The following FBXL17 variants were observed in gnomAD, a reference collection of about 807,000 sequenced individuals.
The protein encoded by FBXL17 is F-box/LRR-repeat protein 17.
A neutral mutation model predicts 66.2 loss-of-function variants in FBXL17; 22 were observed. The observed-to-expected ratio is 0.33, with a 90% CI of 0.24 to 0.47. FBXL17 has a LOEUF of 0.47. FBXL17 is among the 20% of genes least tolerant of loss of function. FBXL17 has a pLI of 1.00. For missense variants in FBXL17, 878 were observed against 948.2 expected (o/e 0.93, Z 0.97); for synonymous variants, 474 against 400.5 (o/e 1.18, Z -2.19).
intron 7 of FBXL17, among the ~76,000 whole-genome samples, chr5:107,960,889 T>C (rs551853112): frequency 6.6e-6 from 1 of 152,242 alleles, no homozygotes; most frequent in African/African-American, 2.4e-5. Flanking sequence ...TCCAAATCTA[T>C]AGACAAAGAA....
In FBXL17 at chr5:107,871,458, G is replaced by C. The variant is rs192939961; in HGVS notation, c.1965+9579C>G. Among the ~76,000 whole-genome samples, 150 of 152,276 alleles carry C rather than the reference G, an allele frequency of 9.9e-4. 1 individual carries two copies. The highest frequency in any genetic ancestry group is 3.4e-3 in the African/African-American group (142 of 41,564). ...TGACAGGAAGTCCAACAACCAGACT[G>C]TCAGAGAGAAAAATTAGTGACATTT... is the stretch of plus-strand genomic sequence containing the variant. On this transcript the variant is annotated intron_variant, in intron 8 of 8. Transcript: ENST00000542267.
At position 107,953,131 on chromosome 5, in the gene FBXL17, T is replaced by G. The variant is rs554414570; in HGVS notation, c.1822+67794A>C. Among the ~76,000 whole-genome samples the G allele has an allele frequency of 2.9e-3, 438 of 151,972 alleles. 2 individuals are homozygous for G. Among genetic ancestry groups the G allele is most frequent in the African/African-American group, 0.01 (432 of 41,440 alleles). On this transcript the variant is annotated intron_variant, in intron 7 of 8. Transcript: ENST00000542267. ...AAAAAGGCAGATGTAGGCCGGGCGC[T>G]GTGGCTCACGCCTGTAATCCCAGCA...
At chr5:107,894,694 A>G (rs1004795411) in intron 7 of FBXL17, among the ~76,000 whole-genome samples, 7 of 152,152 alleles carry the variant, frequency 4.6e-5, no homozygotes, top group African/African-American at 1.2e-4. Context: ...ATATAATTAT[A>G]CATGTGTGAG....
intron 4 of FBXL17, among the ~76,000 whole-genome samples, chr5:108,336,811 A>G (rs895648709): frequency 3.3e-5 from 5 of 152,156 alleles, no homozygotes; most frequent in African/African-American, 1.2e-4. Flanking sequence ...GCTATAGAAT[A>G]AAGTATATTT....
chr5:108,297,765 A>G (rs983318234), intron 4 of FBXL17: 6 of 701,904 alleles, frequency 8.5e-6, no homozygotes, highest in Non-Finnish European at 1.0e-5. Context: ...TTCATAACAA[A>G]TTAAGAAATA....
chr5:108,041,848 G>A (rs1747058630), intron 6 of FBXL17, among the ~76,000 whole-genome samples: 1 of 152,014 alleles, frequency 6.6e-6, no homozygotes, highest in Non-Finnish European at 1.5e-5. Flanking sequence ...AGTGTCTACC[G>A]CTAACGTTTT....
At chr5:108,314,664 T>A (rs1430775896) in intron 4 of FBXL17, among the ~76,000 whole-genome samples, 2 of 151,310 alleles carry the variant, frequency 1.3e-5, no homozygotes, top group Non-Finnish European at 3.0e-5. Context: ...GAAAAAAAAA[T>A]CAAAGTGTCT....
At chr5:108,360,498 T>G (rs186922559) in intron 3 of FBXL17, among the ~76,000 whole-genome samples, 21 of 152,294 alleles carry the variant, frequency 1.4e-4, no homozygotes, top group African/African-American at 4.3e-4. Flanking sequence ...GAGTCACTTA[T>G]CTTTTGCTGC....
chr5:108,165,577 A>C (rs1224746091), intron 6 of FBXL17, among the ~76,000 whole-genome samples: 3 of 152,206 alleles, frequency 2.0e-5, no homozygotes, highest in Non-Finnish European at 4.4e-5. Flanking sequence ...TGGGATATAA[A>C]AGCCTCACAA....
intron 4 of FBXL17, among the ~76,000 whole-genome samples, chr5:108,273,583 T>C (rs925876313): frequency 6.6e-6 from 1 of 151,334 alleles, no homozygotes; most frequent in African/African-American, 2.4e-5. Flanking sequence ...TCCAAAGCTA[T>C]GCTCAGAGGC....
At chr5:107,904,034 T>A (rs372847083) in intron 7 of FBXL17, among the ~76,000 whole-genome samples, 3 of 152,192 alleles carry the variant, frequency 2.0e-5, no homozygotes, top group East Asian at 3.9e-4. Context: ...GATATCTGCA[T>A]AATTCATTAC....
intron 6 of FBXL17, among the ~76,000 whole-genome samples, chr5:108,139,696 C>A (rs568606176): frequency 6.6e-6 from 1 of 152,284 alleles, no homozygotes; most frequent in South Asian, 2.1e-4. Flanking sequence ...GGATCTCAAG[C>A]CTGCATTCTC....
chr5:107,927,092 C>T (rs1750547658), intron 7 of FBXL17, among the ~76,000 whole-genome samples: 1 of 151,292 alleles, frequency 6.6e-6, no homozygotes, highest in African/African-American at 2.4e-5. Flanking sequence ...TAAAATGAAT[C>T]CCCTAAAGTC....
At chr5:108,298,528 A>T in intron 4 of FBXL17, 3 of 974,984 alleles carry the variant, frequency 3.1e-6, no homozygotes, top group Non-Finnish European at 3.7e-6. Context: ...TAACTTGCCT[A>T]ATGATGCTAA....
intron 6 of FBXL17, among the ~76,000 whole-genome samples, chr5:108,051,705 A>G (rs1747482840): frequency 1.3e-5 from 2 of 152,070 alleles, no homozygotes; most frequent in African/African-American, 4.8e-5. Context: ...GGCTGGGTGC[A>G]GTGGCTCATG....
chr5:108,274,295 G>C (rs779395391), intron 4 of FBXL17, among the ~76,000 whole-genome samples: 1 of 152,156 alleles, frequency 6.6e-6, no homozygotes, highest in African/African-American at 2.4e-5. Context: ...GGGGGGGCCA[G>C]TTTAGAGACC....
intron 6 of FBXL17, among the ~76,000 whole-genome samples, chr5:108,125,490 A>G (rs921282309): frequency 2.6e-5 from 4 of 152,106 alleles, no homozygotes; most frequent in Non-Finnish European, 4.4e-5. Flanking sequence ...TGTATCAGCT[A>G]GAATTTAAGT....
intron 6 of FBXL17, among the ~76,000 whole-genome samples, chr5:108,046,228 T>G (rs1747248593): frequency 1.3e-5 from 2 of 152,320 alleles, no homozygotes; most frequent in East Asian, 1.9e-4. Context: ...CTCTTGAAAT[T>G]TTCTAAAATA....
intron 6 of FBXL17, among the ~76,000 whole-genome samples, chr5:108,150,360 C>G (rs1261480963): frequency 6.6e-6 from 1 of 152,138 alleles, no homozygotes; most frequent in Non-Finnish European, 1.5e-5. Flanking sequence ...CATGCCACCA[C>G]ACTTGGCTAA....
Sources: allele counts gnomAD v4.1 joint callset (sites outside exome capture counted in the v4.1 genomes callset), GRCh38; gene constraint gnomAD v4.1.1; transcripts MANE v1.5; gene names NCBI Gene and HGNC (gene_info 2026-07-23, HGNC 2026-07-21).